The following ABTB3 variants were observed in gnomAD, a reference collection of about 807,000 sequenced individuals.
The protein encoded by ABTB3 is ankyrin repeat and BTB domain containing 3, also known as ankyrin repeat- and BTB/POZ domain-containing protein 3.
At chr12:107,394,920 T>G in the ABTB3 span, among the ~76,000 whole-genome samples, 3 of 152,228 alleles carry the variant, frequency 2.0e-5, no homozygotes, top group Admixed American at 1.3e-4. Context: ...GTGGCTGCAC[T>G]GTACAGACGT....
the ABTB3 span, among the ~76,000 whole-genome samples, chr12:107,507,794 G>A: frequency 6.6e-6 from 1 of 152,114 alleles, no homozygotes; most frequent in Non-Finnish European, 1.5e-5. Flanking sequence ...CCCTAGCCAG[G>A]TCACCTAATG....
chr12:107,658,377 T>C, the ABTB3 span: 1 of 152,774 alleles, frequency 6.5e-6, no homozygotes, highest in African/African-American at 2.4e-5. Flanking sequence ...GTCCACACTG[T>C]GTAAACATGC....
the ABTB3 span, among the ~76,000 whole-genome samples, chr12:107,623,991 G>A: frequency 6.6e-6 from 1 of 152,142 alleles, no homozygotes. Context: ...GCCATGCAGA[G>A]ATCTAGGGCA....
At chr12:107,572,542 C>T in the ABTB3 span, among the ~76,000 whole-genome samples, 4 of 152,268 alleles carry the variant, frequency 2.6e-5, no homozygotes, top group East Asian at 7.7e-4. Context: ...CTAGATGGAG[C>T]ATCCAGGCTG....
the ABTB3 span, among the ~76,000 whole-genome samples, chr12:107,489,862 A>C: frequency 1.3e-5 from 2 of 152,048 alleles, no homozygotes; most frequent in African/African-American, 2.4e-5. Context: ...TCCTGGGCTC[A>C]AGCGACCCTC....
the ABTB3 span, among the ~76,000 whole-genome samples, chr12:107,584,725 G>A: frequency 6.6e-6 from 1 of 152,224 alleles, no homozygotes; most frequent in Non-Finnish European, 1.5e-5. Flanking sequence ...AGAGACCAGA[G>A]TCAAGGATTC....
At chr12:107,392,264 G>T in the ABTB3 span, among the ~76,000 whole-genome samples, 312 of 152,262 alleles carry the variant, frequency 2.0e-3, 4 homozygotes, top group African/African-American at 7.2e-3. Context: ...CTCCCAGCCT[G>T]CCAAACTGTT....
At chr12:107,421,145 A>T in the ABTB3 span, among the ~76,000 whole-genome samples, 1 of 152,246 alleles carries the variant, frequency 6.6e-6, no homozygotes, top group Non-Finnish European at 1.5e-5. Context: ...AAGGTGCAAG[A>T]ATAGGCAAGA....
the ABTB3 span, among the ~76,000 whole-genome samples, chr12:107,594,542 C>T: frequency 2.4e-3 from 368 of 152,236 alleles, 2 homozygotes; most frequent in African/African-American, 8.3e-3. Flanking sequence ...TTTTATCTTT[C>T]TTTCTTAGAA....
At chr12:107,587,358 C>T in the ABTB3 span, among the ~76,000 whole-genome samples, 37 of 152,180 alleles carry the variant, frequency 2.4e-4, no homozygotes, top group Admixed American at 7.9e-4. Context: ...CAGTGATCCA[C>T]GTGAGATGCT....
chr12:107,414,920 G>T, the ABTB3 span, among the ~76,000 whole-genome samples: 2 of 151,874 alleles, frequency 1.3e-5, no homozygotes, highest in African/African-American at 4.8e-5. Flanking sequence ...CACCATGTTG[G>T]CCAGGCTGAT....
At chr12:107,326,535 T>C in the ABTB3 span, among the ~76,000 whole-genome samples, 1 of 152,214 alleles carries the variant, frequency 6.6e-6, no homozygotes, top group Non-Finnish European at 1.5e-5. Context: ...ATTGGCTCTC[T>C]GACCACCAAT....
chr12:107,654,815 T>TACACACACACACACACACACACACAC, the ABTB3 span, among the ~76,000 whole-genome samples: 2 of 141,218 alleles, frequency 1.4e-5, no homozygotes, highest in African/African-American at 5.4e-5. Flanking sequence ...CTACATTGTA[T>TACACACACACACACACACACACACAC]ACACACACAC....
chr12:107,399,324 G>A, the ABTB3 span, among the ~76,000 whole-genome samples: 1 of 152,178 alleles, frequency 6.6e-6, no homozygotes, highest in Admixed American at 6.5e-5. Flanking sequence ...GTGAACAAAG[G>A]ATGTCAGGGA....
chr12:107,431,569 A>G, the ABTB3 span, among the ~76,000 whole-genome samples: 14 of 152,194 alleles, frequency 9.2e-5, no homozygotes, highest in African/African-American at 3.4e-4. Context: ...AGATTGCACC[A>G]TTGCACTCCA....
At chr12:107,422,396 C>T in the ABTB3 span, among the ~76,000 whole-genome samples, 1 of 152,072 alleles carries the variant, frequency 6.6e-6, no homozygotes, top group African/African-American at 2.4e-5. Flanking sequence ...TGGATTTTAT[C>T]CAAAATGGAA....
At chr12:107,493,171 C>G in the ABTB3 span, among the ~76,000 whole-genome samples, 1 of 152,012 alleles carries the variant, frequency 6.6e-6, no homozygotes, top group Non-Finnish European at 1.5e-5. Flanking sequence ...ACCGAGGGAG[C>G]ACTGGGGGGC....
chr12:107,626,745 GA>G, the ABTB3 span, among the ~76,000 whole-genome samples: 1 of 151,960 alleles, frequency 6.6e-6, no homozygotes, highest in Admixed American at 6.6e-5. Flanking sequence ...CATGTAAGCA[GA>G]AAAAAATAAT....
chr12:107,520,156 C>G, the ABTB3 span: 3 of 910,390 alleles, frequency 3.3e-6, no homozygotes, highest in South Asian at 5.0e-5. Flanking sequence ...ACCTGACCAC[C>G]AGAGTCACAA....
Sources: gnomAD v4.1 joint callset for allele counts (sites outside exome capture counted in the v4.1 genomes callset) on GRCh38, gnomAD v4.1.1 for gene constraint, MANE v1.5 for transcripts, NCBI Gene and HGNC (gene_info 2026-07-23, HGNC 2026-07-21) for gene names.